PTPA: variants seen among roughly 807,000 people sequenced by gnomAD.
The protein encoded by PTPA is serine/threonine-protein phosphatase 2A activator.
A neutral mutation model predicts 43.6 loss-of-function variants in PTPA; 13 were observed. The ratio of observed to expected loss-of-function variants is 0.30; its 90% CI spans 0.19 to 0.47. PTPA has a LOEUF of 0.47. PTPA is among the 20% of genes least tolerant of loss of function. PTPA has a pLI of 0.99. For synonymous variants in PTPA, 172 were observed against 158.2 expected, an observed-to-expected ratio of 1.09 and a Z score of -0.66; for missense variants, 329 against 411.9, an observed-to-expected ratio of 0.80 and a Z score of 1.74.
rs555824338 is a variant in PTPA, at chr9:129,114,535, T to C, written c.31+2904T>C. On this transcript the variant is annotated intron_variant, in intron 1 of 9. Coordinates refer to ENST00000393370, the MANE Select transcript of PTPA (RefSeq NM_178000.3). ...ATTGTAGTATGTGTTTTATAAGATG[T>C]GTGCAAAGCATGGGACATAGTAGGC... is the stretch of plus-strand genomic sequence containing the variant. Among the ~76,000 whole-genome samples the C allele has an allele frequency of 3.9e-5, 6 of 152,334 alleles. No homozygotes were observed. In the East Asian group the frequency reaches 1.2e-3, roughly 29 times the overall value.
chr9:129,122,885 C>T (rs1379653207), intron 2 of PTPA, among the ~76,000 whole-genome samples, 167 bp from the exon 3 acceptor site: 1 of 151,962 alleles, frequency 6.6e-6, no homozygotes, highest in African/African-American at 2.4e-5. Context: ...GGGTAGGGGT[C>T]GGTATTTGGC....
At chr9:129,124,396 A>G (rs970184930) in intron 3 of PTPA, among the ~76,000 whole-genome samples, 49 of 151,992 alleles carry the variant, frequency 3.2e-4, no homozygotes, top group African/African-American at 1.2e-3. Context: ...CTTGGTAAAC[A>G]TTGCTCCTCG....
At chr9:129,113,762 C>CGAGA (rs929559990) in intron 1 of PTPA, among the ~76,000 whole-genome samples, 1 of 151,918 alleles carries the variant, frequency 6.6e-6, no homozygotes, top group Non-Finnish European at 1.5e-5. Flanking sequence ...CCAGCCTGGG[C>CGAGA]GAGAGAGCTA....
intron 4 of PTPA, 104 bp from the exon 5 acceptor site, chr9:129,131,418 T>C: frequency 1.0e-6 from 1 of 963,966 alleles, no homozygotes; most frequent in Non-Finnish European, 1.6e-6. Context: ...CAAGCTGGCC[T>C]GGCAAGGCAG....
At chr9:129,134,934 G>A (rs769639533) in intron 6 of PTPA, 40 bp downstream of exon 6, 6 of 1,555,026 alleles carry the variant, frequency 3.9e-6, no homozygotes, top group Non-Finnish European at 5.3e-6. Context: ...GGGGGCGTGA[G>A]GGGCCATCTG....
At chr9:129,121,170 A>C (rs1849227590) in intron 2 of PTPA, among the ~76,000 whole-genome samples, 1 of 152,226 alleles carries the variant, frequency 6.6e-6, no homozygotes, top group Non-Finnish European at 1.5e-5. Context: ...CAGACTGAGC[A>C]AAAGAAAGCC....
Position 129,111,646 on chromosome 9 carries a change from GC to G in PTPA, c.31+17del, listed in dbSNP as rs770962604. 206 of 1,280,366 alleles carry G rather than the reference GC, an allele frequency of 1.6e-4. 1 individual carries two copies. The highest frequency in any genetic ancestry group is 4.5e-4 in the Middle Eastern group (2 of 4,458). 79.3% of individuals were successfully genotyped at this position (1,280,366 alleles called of 1,614,324 possible). A position where few individuals can be genotyped will look rare whatever the true frequency, so the allele number is the denominator to read the frequency against. ...GCCGCCGCCAGGTAAGGCCGGCGGG[GC>G]CAGGCCGGGCCGGGGTCGGGTAGGG... On this transcript the variant is annotated intron_variant, in intron 1 of 9. Transcript: ENST00000393370.
intron 9 of PTPA, chr9:129,143,791 A>G (rs571386181): frequency 4.9e-6 from 1 of 202,692 alleles, no homozygotes; most frequent in Non-Finnish European, 1.0e-5. Context: ...GCAGCTGGCC[A>G]CCCCCGGCTC....
chr9:129,131,801 A>C (rs1033183882), intron 5 of PTPA, among the ~76,000 whole-genome samples, 162 bp downstream of exon 5: 3 of 152,196 alleles, frequency 2.0e-5, no homozygotes, highest in Non-Finnish European at 4.4e-5. Context: ...CTTCACCGGC[A>C]GGGAGGGCGT....
At chr9:129,111,097 A>AT, upstream of PTPA, 1 of 1,349,948 alleles carries the variant, frequency 7.4e-7, no homozygotes, top group South Asian at 1.1e-5. Context: ...AGTGATAGGA[A>AT]AACACAACCA....
rs748879388 is a variant in PTPA at position 129,147,499 on chromosome 9, T to A, written c.*35T>A. The A allele has an allele frequency of 1.3e-6, 2 of 1,594,186 alleles. No homozygotes were observed. The highest frequency in any genetic ancestry group is 2.7e-5 in the African/African-American group (2 of 74,524). On this transcript the variant is annotated 3_prime_UTR_variant, in exon 10 of 10. Coordinates refer to ENST00000393370, the MANE Select transcript of PTPA (RefSeq NM_178000.3). ...AGCCGAAGAGCCACCCAGGCCACAG[T>A]TCCTGTGCCTGCCTTCCCCACCCCA...
At chr9:129,143,557 G>A (rs1295636266) in intron 9 of PTPA, 1 of 659,370 alleles carries the variant, frequency 1.5e-6, no homozygotes, top group African/African-American at 1.8e-5. Context: ...GCGGGGTGGG[G>A]GAGCACAGAT....
chr9:129,128,877 G>C, intron 3 of PTPA, 108 bp from the exon 4 acceptor site: 1 of 1,400,480 alleles, frequency 7.1e-7, no homozygotes, highest in South Asian at 1.3e-5. Context: ...AGAGTTCCCA[G>C]TAGGGGCCAT....
At chr9:129,146,044 T>A (rs1430212923) in intron 9 of PTPA, among the ~76,000 whole-genome samples, 7 of 151,706 alleles carry the variant, frequency 4.6e-5, no homozygotes, top group African/African-American at 1.7e-4. Context: ...GCCTTGCAAC[T>A]TCTTCTATGG....
intron 5 of PTPA, 69 bp from the exon 6 acceptor site, chr9:129,134,726 C>T (rs1461107424): frequency 5.4e-6 from 7 of 1,295,084 alleles, no homozygotes; most frequent in Non-Finnish European, 7.7e-6. Context: ...GATTCGGATT[C>T]TGGGAGACTA....
chr9:129,120,924 C>T (rs1022478900), intron 2 of PTPA, among the ~76,000 whole-genome samples: 5 of 152,246 alleles, frequency 3.3e-5, no homozygotes, highest in Middle Eastern at 3.4e-3. Context: ...AATGATGGAG[C>T]GAGTCACTTT....
At chr9:129,111,214 C>T, upstream of PTPA, 1 of 1,130,342 alleles carries the variant, frequency 8.8e-7, no homozygotes, top group Non-Finnish European at 1.1e-6. Context: ...AAAAACATGG[C>T]TGAGCACAAC....
At chr9:129,146,793 T>C (rs1851330761) in intron 9 of PTPA, among the ~76,000 whole-genome samples, 1 of 152,056 alleles carries the variant, frequency 6.6e-6, no homozygotes. Flanking sequence ...GCTCAGGGAG[T>C]CGGGCCTCCC....
At chr9:129,145,805 G>T (rs1265607975) in intron 9 of PTPA, among the ~76,000 whole-genome samples, 1 of 152,168 alleles carries the variant, frequency 6.6e-6, no homozygotes, top group Admixed American at 6.5e-5. Flanking sequence ...AGGACCCAGG[G>T]AGTCCCTTCC....
Sources: allele counts gnomAD v4.1 joint callset (sites outside exome capture counted in the v4.1 genomes callset), GRCh38; gene constraint gnomAD v4.1.1; transcripts MANE v1.5; gene names NCBI Gene and HGNC (gene_info 2026-07-23, HGNC 2026-07-21).